Variants in GPC5 observed in about 807,000 individuals in gnomAD.
GPC5 encodes the protein glypican-5.
A neutral mutation model predicts 53.9 loss-of-function variants in GPC5; 47 were observed. The ratio of observed to expected loss-of-function variants is 0.87; its 90% CI spans 0.69 to 1.11. The LOEUF (loss-of-function observed/expected upper bound fraction) is 1.11, where lower values mean the gene tolerates loss of function less well. Ranked by LOEUF, GPC5 falls within the 50% of genes most tolerant of loss-of-function variation. GPC5 has a pLI of 0.00. For synonymous variants in GPC5, 286 were observed against 263.3 expected, an observed-to-expected ratio of 1.09 and a Z score of -0.84; for missense variants, 748 against 713.1, an observed-to-expected ratio of 1.05 and a Z score of -0.56.
chr13:91,602,356 T>C (rs1004119437), intron 2 of GPC5, among the ~76,000 whole-genome samples: 2 of 152,254 alleles, frequency 1.3e-5, no homozygotes, highest in Non-Finnish European at 2.9e-5. Flanking sequence ...CTTTGCAAGA[T>C]AATAAGCAAT....
At chr13:91,817,984 C>T (rs1232522873) in intron 5 of GPC5, among the ~76,000 whole-genome samples, 3 of 151,384 alleles carry the variant, frequency 2.0e-5, no homozygotes, top group Non-Finnish European at 4.4e-5. Context: ...ATTTTATTGT[C>T]GTATATGTTT....
At chr13:91,675,433 A>T (rs1351456724) in intron 2 of GPC5, among the ~76,000 whole-genome samples, 4 of 152,192 alleles carry the variant, frequency 2.6e-5, no homozygotes, top group African/African-American at 9.7e-5. Context: ...TTTTTGGCTC[A>T]AAAACCAATT....
intron 7 of GPC5, among the ~76,000 whole-genome samples, chr13:92,467,257 C>T (rs948756611): frequency 8.6e-5 from 13 of 151,938 alleles, no homozygotes; most frequent in South Asian, 8.3e-4. Context: ...CGTTTGAAGA[C>T]GATTAAAGAG....
At chr13:92,373,013 C>A (rs1410158525) in intron 7 of GPC5, among the ~76,000 whole-genome samples, 1 of 152,132 alleles carries the variant, frequency 6.6e-6, no homozygotes, top group African/African-American at 2.4e-5. Context: ...AATATTTACA[C>A]TGTTTATTTC....
intron 5 of GPC5, among the ~76,000 whole-genome samples, chr13:91,871,091 A>C (rs1449521154): frequency 1.3e-5 from 2 of 152,116 alleles, no homozygotes; most frequent in African/African-American, 2.4e-5. Flanking sequence ...ATGTGCCTGC[A>C]TTTTTCCTGT....
chr13:91,565,147 G>C (rs773202957), intron 2 of GPC5, among the ~76,000 whole-genome samples: 1 of 151,816 alleles, frequency 6.6e-6, no homozygotes, highest in East Asian at 1.9e-4. Flanking sequence ...GCACCACCAC[G>C]CCTGGCTAAG....
chr13:91,402,993 T>C (rs901771215), intron 1 of GPC5, among the ~76,000 whole-genome samples: 1 of 152,220 alleles, frequency 6.6e-6, no homozygotes, highest in African/African-American at 2.4e-5. Flanking sequence ...CGTTCTTCTG[T>C]CTGTAGGGAG....
At chr13:92,605,801 G>GA (rs796769487) in intron 7 of GPC5, among the ~76,000 whole-genome samples, 10 of 148,444 alleles carry the variant, frequency 6.7e-5, no homozygotes, top group South Asian at 2.1e-4. Flanking sequence ...GACACCAAGG[G>GA]AAAAAAAAAG....
At chr13:92,337,621 G>C (rs1926645) in intron 7 of GPC5, among the ~76,000 whole-genome samples, 61,171 of 151,942 alleles carry the variant, frequency 0.4, 12,449 homozygotes, top group Middle Eastern at 0.51. Flanking sequence ...ATGGATTAGT[G>C]GAACAGAATA....
At chr13:91,512,014 C>T (rs1885254829) in intron 2 of GPC5, among the ~76,000 whole-genome samples, 1 of 152,110 alleles carries the variant, frequency 6.6e-6, no homozygotes, top group South Asian at 2.1e-4. Context: ...ATGTGGGAGT[C>T]TGAGTCAATG....
chr13:91,697,987 C>T (rs1453072169), intron 3 of GPC5, among the ~76,000 whole-genome samples: 3 of 151,496 alleles, frequency 2.0e-5, no homozygotes, highest in Non-Finnish European at 4.4e-5. Flanking sequence ...CTGCATCCTC[C>T]ACCTCCCGGG....
At chr13:91,488,519 C>A (rs1480547181) in intron 2 of GPC5, among the ~76,000 whole-genome samples, 1 of 152,186 alleles carries the variant, frequency 6.6e-6, no homozygotes, top group South Asian at 2.1e-4. Context: ...CAAATTAATA[C>A]TTTTATAATT....
At chr13:91,485,971 G>C (rs865851433) in intron 2 of GPC5, 8 of 152,130 alleles carry the variant, frequency 5.3e-5, no homozygotes, top group Non-Finnish European at 8.8e-5. Flanking sequence ...CTCTGGCACC[G>C]TTTGGTCTCA....
chr13:91,452,958 T>C (rs974912246), intron 2 of GPC5, among the ~76,000 whole-genome samples: 2 of 151,902 alleles, frequency 1.3e-5, no homozygotes, highest in Non-Finnish European at 2.9e-5. Flanking sequence ...TTCTAAAATA[T>C]ATGGTGGATA....
intron 7 of GPC5, among the ~76,000 whole-genome samples, chr13:92,711,485 C>G (rs1311798510): frequency 1.3e-5 from 2 of 151,988 alleles, no homozygotes; most frequent in Admixed American, 6.6e-5. Context: ...GTTGAAGAGA[C>G]AAACCTATAA....
At chr13:91,571,617 CAGG>C (rs1332470783) in intron 2 of GPC5, among the ~76,000 whole-genome samples, 1 of 151,684 alleles carries the variant, frequency 6.6e-6, no homozygotes, top group Non-Finnish European at 1.5e-5. Flanking sequence ...CCTAGCTACT[CAGG>C]AGGCTGAGGC....
chr13:91,797,079 T>C (rs1369003859), intron 5 of GPC5, among the ~76,000 whole-genome samples: 2 of 152,060 alleles, frequency 1.3e-5, no homozygotes, highest in African/African-American at 4.8e-5. Context: ...CAGAGTCACA[T>C]AAATTATCTC....
intron 7 of GPC5, among the ~76,000 whole-genome samples, chr13:92,583,606 G>A (rs1883439158): frequency 6.6e-6 from 1 of 152,208 alleles, no homozygotes; most frequent in Non-Finnish European, 1.5e-5. Context: ...GCATGAGACA[G>A]TTGTAAGGAA....
chr13:92,293,793 C>CT (rs2043014853), intron 7 of GPC5, among the ~76,000 whole-genome samples: 1 of 152,034 alleles, frequency 6.6e-6, no homozygotes. Flanking sequence ...ATGGTTTCAA[C>CT]TTTTTCCCAT....
Sources: gnomAD v4.1 joint callset for allele counts (sites outside exome capture counted in the v4.1 genomes callset) on GRCh38, gnomAD v4.1.1 for gene constraint, MANE v1.5 for transcripts, NCBI Gene and HGNC (gene_info 2026-07-23, HGNC 2026-07-21) for gene names.